KMT2C: variants seen among roughly 807,000 people sequenced by gnomAD.
The protein encoded by KMT2C is lysine methyltransferase 2C, also known as histone-lysine N-methyltransferase 2C.
In KMT2C, 88 loss-of-function variants were observed where a neutral mutation model predicts 507.9. The observed-to-expected ratio is 0.17, with a 90% CI of 0.15 to 0.21. The LOEUF (loss-of-function observed/expected upper bound fraction) is 0.21, where lower values mean the gene tolerates loss of function less well. KMT2C is among the 10% of genes least tolerant of loss of function. The pLI is 1.00. For synonymous variants in KMT2C, 2,049 were observed against 2,080.8 expected (o/e 0.98, Z 0.42); for missense variants, 4,954 against 5,957.8 (o/e 0.83, Z 5.55).
intron 2 of KMT2C, among the ~76,000 whole-genome samples, chr7:152,332,277 C>CATGCT (rs1393199541): frequency 6.6e-6 from 1 of 152,158 alleles, no homozygotes; most frequent in Non-Finnish European, 1.5e-5. Context: ...CTCTGTCTGT[C>CATGCT]ATGCTCTATT....
chr7:152,366,210 T>C (rs921507228), intron 1 of KMT2C, among the ~76,000 whole-genome samples: 2 of 152,152 alleles, frequency 1.3e-5, no homozygotes, highest in Non-Finnish European at 2.9e-5. Context: ...AAAAATAGAA[T>C]TGCCATATGA....
intron 11 of KMT2C, 28 bp from the exon 12 acceptor site, chr7:152,250,994 C>T (rs749844196): frequency 6.2e-6 from 8 of 1,290,358 alleles, no homozygotes; most frequent in South Asian, 1.2e-5. Flanking sequence ...AATTCTTTAG[C>T]TCAGAATGAG....
chr7:152,189,531 C>A (rs1418688942), intron 31 of KMT2C, among the ~76,000 whole-genome samples: 1 of 152,036 alleles, frequency 6.6e-6, no homozygotes. Flanking sequence ...AAGTCTCATA[C>A]ACGTACATTT....
chr7:152,365,057 C>T (rs1294415340), intron 1 of KMT2C, among the ~76,000 whole-genome samples: 1 of 151,852 alleles, frequency 6.6e-6, no homozygotes, highest in East Asian at 1.9e-4. Context: ...ATACACATTG[C>T]TTAAAGGGGG....
intron 1 of KMT2C, among the ~76,000 whole-genome samples, chr7:152,416,616 TG>T: frequency 6.8e-6 from 1 of 147,882 alleles, no homozygotes; most frequent in East Asian, 2.0e-4. Context: ...CCCAGCTACT[TG>T]GGAGGCTAAG....
At chr7:152,372,460 G>A (rs916768151) in intron 1 of KMT2C, among the ~76,000 whole-genome samples, 13 of 152,144 alleles carry the variant, frequency 8.5e-5, no homozygotes, top group African/African-American at 1.9e-4. Flanking sequence ...CCAGCCAAGC[G>A]GATTTTTAAA....
At position 152,290,258 on chromosome 7, in the gene KMT2C, GTATATATATATA is replaced by G. The variant is rs746466676; in HGVS notation, c.850-16403_850-16392del. ...TGTGTGTGTGTGTGTGTGTGTATGTGTATATATATATATATATATATATATATATATATATAT... is the reference window on the plus strand; with the variant it reads ...TGTGTGTGTGTGTGTGTGTGTATGTGTATATATATATATATATATATATAT... On this transcript the variant is annotated intron_variant, in intron 6 of 58. Transcript: ENST00000262189. 9.3e-3 allele frequency among the ~76,000 whole-genome samples: 243 copies of G among 26,240 alleles called. 2 individuals carry two copies. The highest frequency in any genetic ancestry group is 0.031 in the Admixed American group (39 of 1,278). 17.2% of individuals were successfully genotyped at this position (26,240 alleles called of 152,430 possible). A position where few individuals can be genotyped will look rare whatever the true frequency, so the allele number is the denominator to read the frequency against.
chr7:152,384,223 C>A (rs2097400424), intron 1 of KMT2C, among the ~76,000 whole-genome samples: 1 of 152,178 alleles, frequency 6.6e-6, no homozygotes, highest in Non-Finnish European at 1.5e-5. Context: ...TTGGATAAAA[C>A]CTTTCAATGT....
chr7:152,369,860 A>C (rs1439372376), intron 1 of KMT2C, among the ~76,000 whole-genome samples: 1 of 150,676 alleles, frequency 6.6e-6, no homozygotes, highest in Non-Finnish European at 1.5e-5. Context: ...CTATAGCAAT[A>C]GAAAATGAAC....
intron 10 of KMT2C, 23 bp downstream of exon 10, chr7:152,252,523 G>C (rs778154285): frequency 6.3e-6 from 10 of 1,592,988 alleles, no homozygotes; most frequent in Non-Finnish European, 8.6e-6. Flanking sequence ...CAAAACAACT[G>C]AATAGAATAA....
At chr7:152,318,576 G>A (rs968380905) in intron 3 of KMT2C, among the ~76,000 whole-genome samples, 4 of 141,578 alleles carry the variant, frequency 2.8e-5, no homozygotes, top group Admixed American at 2.3e-4. Flanking sequence ...GCAGTGAGCC[G>A]AGATCGCACC....
chr7:152,158,046 T>G, intron 44 of KMT2C: 1 of 554,774 alleles, frequency 1.8e-6, no homozygotes, highest in Non-Finnish European at 2.8e-6. Context: ...CTTAAAATTT[T>G]CAAGTATCAA....
intron 5 of KMT2C, among the ~76,000 whole-genome samples, chr7:152,311,207 A>G (rs527272311): frequency 5.3e-5 from 8 of 152,332 alleles, no homozygotes; most frequent in African/African-American, 1.9e-4. Flanking sequence ...ATGTATAGAA[A>G]ATAAACTACA....
At chr7:152,430,417 T>A (rs2097854599) in intron 1 of KMT2C, among the ~76,000 whole-genome samples, 1 of 151,864 alleles carries the variant, frequency 6.6e-6, no homozygotes, top group Non-Finnish European at 1.5e-5. Flanking sequence ...CTGTAAAGTT[T>A]ATTCCATGGC....
At chr7:152,146,419 T>C (rs563928214) in intron 53 of KMT2C, among the ~76,000 whole-genome samples, 180 bp downstream of exon 53, 1 of 152,310 alleles carries the variant, frequency 6.6e-6, no homozygotes, top group African/African-American at 2.4e-5. Context: ...ACTGGGTGAA[T>C]ACCAACACGG....
In KMT2C at chr7:152,275,074, C is replaced by G. The variant is rs541930468; in HGVS notation, c.850-1207G>C. Among the ~76,000 whole-genome samples the G allele has an allele frequency of 4.3e-3, 650 of 152,276 alleles. 4 individuals are homozygous for G. The highest frequency in any genetic ancestry group is 0.015 in the African/African-American group (623 of 41,556). On this transcript the variant is annotated intron_variant, in intron 6 of 58. Coordinates refer to ENST00000262189, the MANE Select transcript of KMT2C (RefSeq NM_170606.3). ...GTTACTACACTGACTTTATATTCTGCTAATTAACCAGGGACTACAGTAGTT... is the reference window on the plus strand; with the variant it reads ...GTTACTACACTGACTTTATATTCTGGTAATTAACCAGGGACTACAGTAGTT...
intron 1 of KMT2C, chr7:152,366,917 C>T (rs1433532668): frequency 9.0e-6 from 4 of 443,712 alleles, no homozygotes; most frequent in Non-Finnish European, 1.6e-5. Flanking sequence ...TGCGAGCCAA[C>T]GGGCCGGCGC....
intron 19 of KMT2C, 118 bp downstream of exon 19, chr7:152,224,317 C>G (rs2094864164): frequency 1.6e-6 from 2 of 1,273,360 alleles, no homozygotes; most frequent in African/African-American, 1.5e-5. Context: ...TTACTGGTAT[C>G]TATCATAGAA....
Position 152,163,818 on chromosome 7 carries a change from T to C in KMT2C, c.9759A>G (p.Lys3253=). The part of the protein sequence containing the change: ...MVQKQLEQIR[K]QQKEHAELIE... ...TCAATTCAGCATGTTCTTTCTGTTGTTTACGAATCTGGAATAACAAAATGC... is the reference window on the plus strand; with the variant it reads ...TCAATTCAGCATGTTCTTTCTGTTGCTTACGAATCTGGAATAACAAAATGC... The change falls in exon 43 of 59, where the codon AAA becomes AAG. Residue 3253 remains lysine, a synonymous_variant. Coordinates refer to ENST00000262189, the MANE Select transcript of KMT2C (RefSeq NM_170606.3). 1 of 1,614,050 alleles carries C rather than the reference T, an allele frequency of 6.2e-7. No individual in the cohort carries two copies. The highest frequency in any genetic ancestry group is 1.1e-5 in the South Asian group (1 of 91,084).
Sources: allele counts gnomAD v4.1 joint callset (sites outside exome capture counted in the v4.1 genomes callset), GRCh38; gene constraint gnomAD v4.1.1; transcripts MANE v1.5; gene names NCBI Gene and HGNC (gene_info 2026-07-23, HGNC 2026-07-21).